The following ADGRL2 variants were observed in gnomAD, a reference collection of about 807,000 sequenced individuals.
The protein encoded by ADGRL2 is adhesion G protein-coupled receptor L2.
In ADGRL2, 44 loss-of-function variants were observed where a neutral mutation model predicts 157.4. That is an observed-to-expected ratio of 0.28 (90% CI 0.22 to 0.36). The LOEUF (loss-of-function observed/expected upper bound fraction) is 0.36, where lower values mean the gene tolerates loss of function less well. Among genes scored for constraint, ADGRL2 ranks in the 10% least tolerant of loss-of-function variants. The pLI is 1.00. For missense variants in ADGRL2, 1,510 were observed against 1,768.9 expected (o/e 0.85, Z 2.63); for synonymous variants, 585 against 624.7 (o/e 0.94, Z 0.95).
At chr1:81,513,959 G>A (rs1045749331) in intron 2 of ADGRL2, 1 of 152,164 alleles carries the variant, frequency 6.6e-6, no homozygotes, top group Non-Finnish European at 1.5e-5. Context: ...CAACCCAGTG[G>A]AGTAAACGGC....
At chr1:81,553,443 T>C (rs1288300989) in intron 2 of ADGRL2, among the ~76,000 whole-genome samples, 1 of 152,184 alleles carries the variant, frequency 6.6e-6, no homozygotes, top group East Asian at 1.9e-4. Context: ...AGGCAAATTG[T>C]AAATGTGTAA....
chr1:81,808,840 C>G (rs1475913529), intron 1 of ADGRL2, among the ~76,000 whole-genome samples: 1 of 152,074 alleles, frequency 6.6e-6, no homozygotes, highest in African/African-American at 2.4e-5. Flanking sequence ...ATTCTGGCAC[C>G]CAGATTTACG....
At position 81,939,284 on chromosome 1, in the gene ADGRL2, G is replaced by T. The variant is rs1038779183; in HGVS notation, c.397+2447G>T. Among the ~76,000 whole-genome samples the T allele has an allele frequency of 2.0e-5, 3 of 151,416 alleles. No homozygotes were observed. The South Asian group carries it at 6.2e-4, about 31-fold the overall frequency. Reference sequence around the variant, plus strand: ...CCATGTCAAAAGTGTACATATACAGGGTATCCATTGTCATTGCCAGACTGT... The same window carrying T: ...CCATGTCAAAAGTGTACATATACAGTGTATCCATTGTCATTGCCAGACTGT... On this transcript the variant is annotated intron_variant, in intron 4 of 23. Coordinates refer to ENST00000686636, the MANE Select transcript of ADGRL2 (RefSeq NM_001366006.2).
At chr1:81,675,282 C>T (rs2082962570) in intron 3 of ADGRL2, among the ~76,000 whole-genome samples, 1 of 152,162 alleles carries the variant, frequency 6.6e-6, no homozygotes, top group African/African-American at 2.4e-5. Context: ...TTTAATTTGA[C>T]AATATAGCTT....
intron 17 of ADGRL2, among the ~76,000 whole-genome samples, chr1:81,973,156 AAATT>A (rs564635627): frequency 8.6e-4 from 131 of 152,308 alleles, no homozygotes; most frequent in African/African-American, 3.0e-3. Context: ...TTTGTCATTA[AAATT>A]AATTATTTTA....
At position 81,689,408 on chromosome 1, in the gene ADGRL2, GTC is replaced by G. The variant is rs1418066472; in HGVS notation, c.-142-72396_-142-72395del. On this transcript the variant is annotated intron_variant, in intron 3 of 24. Coordinates refer to the ADGRL2 transcript ENST00000370721. ...TTGGATTTCAGAAATATATGACTCA[GTC>G]TCTCTCCTTAAGAAGGACCCAAGCC... Among the ~76,000 whole-genome samples, 6 of 152,256 alleles carry G rather than the reference GTC, an allele frequency of 3.9e-5. No individual in the cohort carries two copies. The South Asian group carries it at 1.2e-3, about 32-fold the overall frequency.
intron 3 of ADGRL2, among the ~76,000 whole-genome samples, chr1:81,690,870 G>A (rs55819882): frequency 0.018 from 2,688 of 152,232 alleles, 33 homozygotes; most frequent in South Asian, 0.054. Context: ...TTTATTTCCC[G>A]TTTGTAATCT....
chr1:81,442,957 C>T lies in ADGRL2; in HGVS notation c.-301-2079C>T, dbSNP rs190918607. ...CGCTGACAAACTAAAAATTATTGGT[C>T]TCCAAAAACCTACTCTGTTGCTCTC... On this transcript the variant is annotated intron_variant, in intron 1 of 24. Coordinates refer to the ADGRL2 transcript ENST00000370721. Among the ~76,000 whole-genome samples the T allele has an allele frequency of 1.6e-4, 25 of 152,280 alleles. 1 individual carries two copies. The highest frequency in any genetic ancestry group is 7.8e-4 in the Admixed American group (12 of 15,288).
At chr1:81,945,424 GA>G (rs540281933) in intron 6 of ADGRL2, among the ~76,000 whole-genome samples, 15 of 151,750 alleles carry the variant, frequency 9.9e-5, no homozygotes, top group South Asian at 2.1e-4. Context: ...AAAAAAGAAA[GA>G]AAAAAAATGT....
chr1:81,573,546 G>C (rs2080737523), intron 2 of ADGRL2, among the ~76,000 whole-genome samples: 1 of 152,044 alleles, frequency 6.6e-6, no homozygotes, highest in African/African-American at 2.4e-5. Context: ...TCATGTGTGG[G>C]AATGAAAATA....
At chr1:81,764,599 A>G (rs971725433) in intron 2 of ADGRL2, among the ~76,000 whole-genome samples, 1 of 152,138 alleles carries the variant, frequency 6.6e-6, no homozygotes, top group Non-Finnish European at 1.5e-5. Context: ...AAGGATTACT[A>G]TAAAACCTAG....
upstream of ADGRL2, among the ~76,000 whole-genome samples, chr1:81,699,426 G>C (rs577344068): frequency 6.6e-6 from 1 of 152,268 alleles, no homozygotes; most frequent in Admixed American, 6.5e-5. Context: ...TGCTTAACTC[G>C]ATACTGTTCC....
At chr1:81,587,995 T>G (rs1368596971) in intron 3 of ADGRL2, among the ~76,000 whole-genome samples, 1 of 152,028 alleles carries the variant, frequency 6.6e-6, no homozygotes, top group Non-Finnish European at 1.5e-5. Flanking sequence ...TAAGTCAGAA[T>G]CCCTAGAAGC....
intron 1 of ADGRL2, among the ~76,000 whole-genome samples, chr1:81,318,008 A>G (rs551619651): frequency 6.6e-6 from 1 of 152,130 alleles, no homozygotes; most frequent in African/African-American, 2.4e-5. Flanking sequence ...TTATGTTTAC[A>G]TCATTAAATT....
intron 2 of ADGRL2, among the ~76,000 whole-genome samples, chr1:81,504,914 G>A (rs975876605): frequency 1.6e-4 from 24 of 152,210 alleles, no homozygotes; most frequent in Non-Finnish European, 2.8e-4. Context: ...CGCGGGAGCA[G>A]GCGGCTCCTG....
chr1:81,558,346 A>G (rs894784491), intron 2 of ADGRL2, among the ~76,000 whole-genome samples: 7 of 152,224 alleles, frequency 4.6e-5, no homozygotes, highest in Admixed American at 3.9e-4. Flanking sequence ...CAAGAAAGTA[A>G]TAGTTTATTT....
intron 2 of ADGRL2, among the ~76,000 whole-genome samples, chr1:81,454,706 T>G (rs2077767740): frequency 6.6e-6 from 1 of 152,164 alleles, no homozygotes; most frequent in African/African-American, 2.4e-5. Flanking sequence ...CTTGAAAATG[T>G]CACATAACAT....
chr1:81,767,890 T>A (rs1484851833), intron 2 of ADGRL2, among the ~76,000 whole-genome samples: 1 of 149,812 alleles, frequency 6.7e-6, no homozygotes. Flanking sequence ...AAGAAATTGC[T>A]GGGTCATGGA....
intron 1 of ADGRL2, among the ~76,000 whole-genome samples, chr1:81,347,926 A>G (rs558846665): frequency 2.0e-5 from 3 of 152,314 alleles, no homozygotes; most frequent in African/African-American, 4.8e-5. Flanking sequence ...CCCTAAAGCT[A>G]TTCAGCTGGG....
Sources: allele counts gnomAD v4.1 joint callset (sites outside exome capture counted in the v4.1 genomes callset), GRCh38; gene constraint gnomAD v4.1.1; transcripts MANE v1.5; gene names NCBI Gene and HGNC (gene_info 2026-07-23, HGNC 2026-07-21).